NKAIN2: variants seen among roughly 807,000 people sequenced by gnomAD.
NKAIN2 encodes sodium/potassium-transporting ATPase subunit beta-1-interacting protein 2.
A neutral mutation model predicts 32.6 loss-of-function variants in NKAIN2; 14 were observed. The observed-to-expected ratio is 0.43, with a 90% CI of 0.28 to 0.67. NKAIN2 has a LOEUF of 0.67. Among genes scored for constraint, NKAIN2 ranks in the 30% least tolerant of loss-of-function variants. The pLI, the probability that NKAIN2 is intolerant of heterozygous loss-of-function variation, is 0.17. For missense variants in NKAIN2, 198 were observed against 258.3 expected, an observed-to-expected ratio of 0.77 and a Z score of 1.60; for synonymous variants, 80 against 87.2, an observed-to-expected ratio of 0.92 and a Z score of 0.46.
At chr6:123,823,522 T>G (rs1045777617) in intron 1 of NKAIN2, 1 of 152,166 alleles carries the variant, frequency 6.6e-6, no homozygotes, top group Non-Finnish European at 1.5e-5. Context: ...TGAATTCTTT[T>G]GTACTTGATG....
intron 1 of NKAIN2, among the ~76,000 whole-genome samples, chr6:123,907,803 G>A (rs1774963108): frequency 6.6e-6 from 1 of 151,906 alleles, no homozygotes; most frequent in Admixed American, 6.6e-5. Flanking sequence ...CATCTTCACT[G>A]AGTTGCATGT....
chr6:123,986,603 A>T (rs9491031), intron 1 of NKAIN2, among the ~76,000 whole-genome samples: 103,806 of 151,532 alleles, frequency 0.69, 35,934 homozygotes, highest in East Asian at 0.86. Context: ...GAGATTTTTT[A>T]AAAAATTTAT....
chr6:123,856,953 G>T (rs1775578856), intron 1 of NKAIN2, among the ~76,000 whole-genome samples: 1 of 152,134 alleles, frequency 6.6e-6, no homozygotes, highest in African/African-American at 2.4e-5. Context: ...ACACAGTGGG[G>T]TTGCTAATTT....
At chr6:124,411,416 T>G (rs368768146) in intron 3 of NKAIN2, among the ~76,000 whole-genome samples, 19 of 150,918 alleles carry the variant, frequency 1.3e-4, no homozygotes, top group Admixed American at 4.0e-4. Context: ...GTCTGTAAAG[T>G]ATTTTATTTC....
chr6:124,740,225 A>T (rs1289160549), intron 4 of NKAIN2, among the ~76,000 whole-genome samples: 6 of 151,692 alleles, frequency 4.0e-5, no homozygotes, highest in Admixed American at 3.9e-4. Context: ...GTGAGGAGTC[A>T]GGAGTGAAGA....
intron 1 of NKAIN2, among the ~76,000 whole-genome samples, chr6:123,968,154 G>A (rs1480374886): frequency 6.6e-6 from 1 of 152,164 alleles, no homozygotes; most frequent in Non-Finnish European, 1.5e-5. Flanking sequence ...GCTTTCAAAT[G>A]TGTTCTCAGT....
At chr6:124,685,699 T>C (rs1773837381) in intron 4 of NKAIN2, among the ~76,000 whole-genome samples, 1 of 152,188 alleles carries the variant, frequency 6.6e-6, no homozygotes, top group Admixed American at 6.6e-5. Context: ...CTAGTCCAAC[T>C]TTCTCATGTT....
chr6:123,820,058 C>T (rs1773861098), intron 1 of NKAIN2, among the ~76,000 whole-genome samples: 1 of 152,104 alleles, frequency 6.6e-6, no homozygotes, highest in Non-Finnish European at 1.5e-5. Flanking sequence ...CCTTAATAGC[C>T]TCGAATTTAG....
At chr6:123,973,184 C>T (rs536909459) in intron 1 of NKAIN2, among the ~76,000 whole-genome samples, 111 of 152,158 alleles carry the variant, frequency 7.3e-4, no homozygotes, top group African/African-American at 2.6e-3. Flanking sequence ...CTGCTGGAAA[C>T]CAGGAAAGTC....
At chr6:124,375,232 C>T (rs1001900219) in intron 3 of NKAIN2, among the ~76,000 whole-genome samples, 1 of 151,912 alleles carries the variant, frequency 6.6e-6, no homozygotes, top group East Asian at 1.9e-4. Flanking sequence ...ACTCCTATTA[C>T]TTGTCTTCAC....
At chr6:124,146,264 TGGG>T (rs946309269) in intron 1 of NKAIN2, among the ~76,000 whole-genome samples, 13 of 151,496 alleles carry the variant, frequency 8.6e-5, no homozygotes, top group Non-Finnish European at 1.3e-4. Context: ...AATACAATCG[TGGG>T]CAAAAAAAAT....
chr6:124,368,337 T>C lies in NKAIN2; in HGVS notation c.273+12990T>C, dbSNP rs184154297. Among the ~76,000 whole-genome samples, 14 of 152,284 alleles carry C rather than the reference T, an allele frequency of 9.2e-5. No individual in the cohort carries two copies. The East Asian group carries it at 2.5e-3, about 27-fold the overall frequency. The stretch of plus-strand genomic sequence containing the variant: ...CTCTCATAACTTGAGTTGAATTCTT[T>C]CCCTGCATAAGATCTAGATGGCAGC... On this transcript the variant is annotated intron_variant, in intron 3 of 6. Coordinates refer to ENST00000368417, the MANE Select transcript of NKAIN2 (RefSeq NM_001040214.3).
intron 4 of NKAIN2, among the ~76,000 whole-genome samples, chr6:124,708,259 T>C (rs1775211726): frequency 6.7e-6 from 1 of 150,206 alleles, no homozygotes; most frequent in African/African-American, 2.5e-5. Flanking sequence ...GTAGTATAGT[T>C]TGAAGTCAGG....
intron 1 of NKAIN2, among the ~76,000 whole-genome samples, chr6:124,150,478 C>A (rs1398780564): frequency 2.0e-5 from 3 of 152,058 alleles, no homozygotes; most frequent in Non-Finnish European, 4.4e-5. Context: ...TTGCCTTATA[C>A]ATTAATGATA....
At chr6:124,331,379 A>AC (rs1483289220) in intron 2 of NKAIN2, among the ~76,000 whole-genome samples, 55 of 126,800 alleles carry the variant, frequency 4.3e-4, no homozygotes, top group African/African-American at 1.3e-3. Context: ...AAAAAAAAAA[A>AC]CTAGCTGGGC....
At chr6:123,924,763 TATC>T (rs1214626305) in intron 1 of NKAIN2, among the ~76,000 whole-genome samples, 1 of 152,100 alleles carries the variant, frequency 6.6e-6, no homozygotes, top group Non-Finnish European at 1.5e-5. Flanking sequence ...AATTTCATGA[TATC>T]ATTATTATTT....
At chr6:123,894,646 G>T (rs1774184462) in intron 1 of NKAIN2, among the ~76,000 whole-genome samples, 1 of 152,094 alleles carries the variant, frequency 6.6e-6, no homozygotes, top group Non-Finnish European at 1.5e-5. Flanking sequence ...GAGAGGGACA[G>T]CTCTTGGGGG....
intron 1 of NKAIN2, among the ~76,000 whole-genome samples, chr6:124,073,189 A>G (rs1783537894): frequency 6.6e-6 from 1 of 152,194 alleles, no homozygotes; most frequent in South Asian, 2.1e-4. Context: ...CTCAAAGAAA[A>G]CAATTCCCCG....
chr6:124,122,448 G>C (rs184592323), intron 1 of NKAIN2, among the ~76,000 whole-genome samples: 1 of 152,022 alleles, frequency 6.6e-6, no homozygotes, highest in African/African-American at 2.4e-5. Context: ...TCAGAGAGGA[G>C]AGTTTTATAG....
Sources: allele counts gnomAD v4.1 joint callset (sites outside exome capture counted in the v4.1 genomes callset), GRCh38; gene constraint gnomAD v4.1.1; transcripts MANE v1.5; gene names NCBI Gene and HGNC (gene_info 2026-07-23, HGNC 2026-07-21).